The following SMYD3 variants were observed in gnomAD, a reference collection of about 807,000 sequenced individuals.
The protein encoded by SMYD3 is histone-lysine N-methyltransferase SMYD3.
In SMYD3, 36 loss-of-function variants were observed where a neutral mutation model predicts 57.7. The observed-to-expected ratio is 0.62, with a 90% CI of 0.48 to 0.82. SMYD3 has a LOEUF of 0.82. SMYD3 is among the 40% of genes least tolerant of loss of function. The pLI is 0.00. For missense variants in SMYD3, 515 were observed against 538.8 expected, an observed-to-expected ratio of 0.96 and a Z score of 0.44; for synonymous variants, 211 against 195.0, an observed-to-expected ratio of 1.08 and a Z score of -0.68.
Position 246,063,227 on chromosome 1 carries a change from A to G in SMYD3, c.532-133290T>C, listed in dbSNP as rs899579469. On this transcript the variant is annotated intron_variant, in intron 5 of 11. Coordinates refer to ENST00000490107, the MANE Select transcript of SMYD3 (RefSeq NM_001167740.2). Reference sequence around the variant, plus strand: ...TGGGAGCCTCCAAGGGCCTTCCCCCAGGGAGTCACAAGGGAGGCACTTCAC... The same window carrying G: ...TGGGAGCCTCCAAGGGCCTTCCCCCGGGGAGTCACAAGGGAGGCACTTCAC... 2.3e-4 allele frequency among the ~76,000 whole-genome samples: 35 copies of G among 152,320 alleles called. 1 individual carries two copies. Among genetic ancestry groups the G allele is most frequent in the African/African-American group, 8.4e-4 (35 of 41,578 alleles).
chr1:245,755,588 GTAC>G (rs2045571205), intron 11 of SMYD3, among the ~76,000 whole-genome samples: 1 of 152,034 alleles, frequency 6.6e-6, no homozygotes, highest in Non-Finnish European at 1.5e-5. Flanking sequence ...TACATATTTA[GTAC>G]TACTATGTCT....
chr1:246,039,904 G>A (rs2059838757), intron 5 of SMYD3, among the ~76,000 whole-genome samples: 1 of 152,296 alleles, frequency 6.6e-6, no homozygotes, highest in African/African-American at 2.4e-5. Context: ...AAAGGGATAT[G>A]AGAAGAAGAG....
chr1:246,178,141 G>C (rs888156124), intron 5 of SMYD3, among the ~76,000 whole-genome samples: 7 of 152,200 alleles, frequency 4.6e-5, no homozygotes, highest in African/African-American at 1.7e-4. Flanking sequence ...TGAAATGGCA[G>C]GAGGAGGGAG....
chr1:246,424,995 T>C (rs1449812073), intron 1 of SMYD3, among the ~76,000 whole-genome samples: 1 of 152,236 alleles, frequency 6.6e-6, no homozygotes, highest in South Asian at 2.1e-4. Context: ...AGAATTCATA[T>C]TGGCGGAGAT....
intron 5 of SMYD3, among the ~76,000 whole-genome samples, chr1:246,048,382 C>A (rs768437802): frequency 2.6e-5 from 4 of 152,040 alleles, no homozygotes; most frequent in Admixed American, 1.3e-4. Context: ...CTTTGAAGAG[C>A]CTTTTCAGTC....
At chr1:246,105,028 C>T (rs961712490) in intron 5 of SMYD3, among the ~76,000 whole-genome samples, 1 of 152,048 alleles carries the variant, frequency 6.6e-6, no homozygotes, top group African/African-American at 2.4e-5. Context: ...GGGTGGCAGT[C>T]GGTGAATGAA....
intron 1 of SMYD3, among the ~76,000 whole-genome samples, chr1:246,408,949 C>A (rs1030839321): frequency 1.3e-5 from 2 of 152,124 alleles, no homozygotes; most frequent in African/African-American, 4.8e-5. Flanking sequence ...GGATTACAGG[C>A]GTGAGCCACC....
intron 5 of SMYD3, among the ~76,000 whole-genome samples, chr1:246,104,980 C>A (rs986090486): frequency 8.5e-5 from 13 of 152,148 alleles, no homozygotes; most frequent in African/African-American, 1.4e-4. Flanking sequence ...TGAATCCAAA[C>A]ACAGCATCGG....
intron 5 of SMYD3, among the ~76,000 whole-genome samples, chr1:246,059,830 G>T (rs1057187568): frequency 1.9e-4 from 29 of 152,272 alleles, no homozygotes; most frequent in African/African-American, 6.7e-4. Context: ...ATCACTCACA[G>T]TATTTGTTAA....
chr1:246,315,821 C>G (rs764247425), intron 5 of SMYD3, among the ~76,000 whole-genome samples: 1 of 152,166 alleles, frequency 6.6e-6, no homozygotes, highest in African/African-American at 2.4e-5. Context: ...GATTAAGATG[C>G]TTTAAAAGAA....
chr1:245,778,177 A>G (rs2046680960), intron 10 of SMYD3, among the ~76,000 whole-genome samples: 1 of 152,234 alleles, frequency 6.6e-6, no homozygotes, highest in African/African-American at 2.4e-5. Flanking sequence ...ACTGTTTCCA[A>G]AATTTATATG....
intron 1 of SMYD3, among the ~76,000 whole-genome samples, chr1:246,390,092 C>T (rs1378389340): frequency 2.6e-5 from 4 of 151,576 alleles, no homozygotes; most frequent in South Asian, 2.1e-4. Flanking sequence ...TGTTCCCTAA[C>T]GCTATAGTCC....
intron 1 of SMYD3, among the ~76,000 whole-genome samples, chr1:246,417,562 C>T (rs991584956): frequency 1.3e-5 from 2 of 152,126 alleles, no homozygotes; most frequent in Admixed American, 6.5e-5. Context: ...GGTCACAGGA[C>T]GAGTTGAGTC....
At chr1:246,019,943 G>A (rs1305243618) in intron 5 of SMYD3, among the ~76,000 whole-genome samples, 2 of 152,174 alleles carry the variant, frequency 1.3e-5, no homozygotes, top group African/African-American at 4.8e-5. Context: ...ATATTAGAAA[G>A]AAAGGAGATT....
At chr1:246,176,649 A>G (rs932649868) in intron 5 of SMYD3, among the ~76,000 whole-genome samples, 1 of 152,112 alleles carries the variant, frequency 6.6e-6, no homozygotes, top group Non-Finnish European at 1.5e-5. Context: ...CAGCCTCCTG[A>G]GTAGCTGGGC....
At chr1:246,032,734 C>G (rs972267490) in intron 5 of SMYD3, among the ~76,000 whole-genome samples, 4 of 152,118 alleles carry the variant, frequency 2.6e-5, no homozygotes, top group African/African-American at 7.2e-5. Flanking sequence ...TTTAGTGATT[C>G]AAGGTCAGGT....
At chr1:246,281,658 C>T (rs974183193) in intron 5 of SMYD3, among the ~76,000 whole-genome samples, 2 of 152,094 alleles carry the variant, frequency 1.3e-5, no homozygotes, top group African/African-American at 2.4e-5. Context: ...GCAAAACATA[C>T]AAATGAAAAT....
intron 5 of SMYD3, among the ~76,000 whole-genome samples, chr1:246,272,960 T>G (rs1205266478): frequency 6.6e-6 from 1 of 152,124 alleles, no homozygotes; most frequent in Non-Finnish European, 1.5e-5. Flanking sequence ...TTCAATCTCC[T>G]AACTAGGTAT....
chr1:245,977,378 T>C (rs190711131), intron 5 of SMYD3, among the ~76,000 whole-genome samples: 60 of 152,226 alleles, frequency 3.9e-4, no homozygotes, highest in Admixed American at 2.0e-3. Flanking sequence ...CCATCCTTAA[T>C]CACAAAACCG....
Sources: gnomAD v4.1 joint callset for allele counts (sites outside exome capture counted in the v4.1 genomes callset) on GRCh38, gnomAD v4.1.1 for gene constraint, MANE v1.5 for transcripts, NCBI Gene and HGNC (gene_info 2026-07-23, HGNC 2026-07-21) for gene names.